The following IRAK2 variants were observed in gnomAD, a reference collection of about 807,000 sequenced individuals.
The protein encoded by IRAK2 is interleukin 1 receptor associated kinase 2.
In IRAK2, 57 loss-of-function variants were observed where a neutral mutation model predicts 72.0. That is an observed-to-expected ratio of 0.79 (90% confidence interval 0.64 to 0.99). IRAK2 has a LOEUF of 0.99. Among genes scored for constraint, IRAK2 ranks in the 50% least tolerant of loss-of-function variants. The probability of loss-of-function intolerance (pLI) is 0.00; values close to 1 mark genes in which losing one functional copy is unlikely to be tolerated. For missense variants in IRAK2, 790 were observed against 794.4 expected, an observed-to-expected ratio of 0.99 and a Z score of 0.07; for synonymous variants, 293 against 312.7, an observed-to-expected ratio of 0.94 and a Z score of 0.67.
At chr3:10,184,970 A>G (rs1418957277) in intron 2 of IRAK2, among the ~76,000 whole-genome samples, 2 of 150,054 alleles carry the variant, frequency 1.3e-5, no homozygotes, top group African/African-American at 2.5e-5. Flanking sequence ...TGACCTCGTG[A>G]TCCGCCCGCC....
chr3:10,223,176 T>C (rs1482533300), intron 9 of IRAK2, among the ~76,000 whole-genome samples: 1 of 152,204 alleles, frequency 6.6e-6, no homozygotes, highest in East Asian at 1.9e-4. Context: ...GTCCAGGTTC[T>C]AGTAGGCTCC....
chr3:10,188,054 C>T (rs1283239616), intron 2 of IRAK2, among the ~76,000 whole-genome samples: 2 of 152,132 alleles, frequency 1.3e-5, no homozygotes, highest in African/African-American at 4.8e-5. Flanking sequence ...ATCTTAGGGG[C>T]TTAAGAGCAG....
At chr3:10,179,953 C>T (rs201595155) in intron 2 of IRAK2, among the ~76,000 whole-genome samples, 4 of 152,290 alleles carry the variant, frequency 2.6e-5, no homozygotes, top group East Asian at 3.9e-4. Context: ...CATGGGATGG[C>T]TTTCTATTAT....
chr3:10,183,294 T>C (rs570889850), intron 2 of IRAK2, among the ~76,000 whole-genome samples: 52 of 152,276 alleles, frequency 3.4e-4, no homozygotes, highest in Admixed American at 8.5e-4. Context: ...TCTCTTGAAA[T>C]GTGAACTGCA....
chr3:10,179,451 T>A (rs546127883), intron 2 of IRAK2, among the ~76,000 whole-genome samples: 23 of 141,328 alleles, frequency 1.6e-4, no homozygotes, highest in South Asian at 8.7e-4. Context: ...TTTTTTTTTT[T>A]TATATGAAGT....
chr3:10,187,444 C>G (rs958717289), intron 2 of IRAK2, among the ~76,000 whole-genome samples: 5 of 152,214 alleles, frequency 3.3e-5, no homozygotes, highest in Non-Finnish European at 7.3e-5. Context: ...TAATTGAAAG[C>G]TGCCTCATTG....
intron 10 of IRAK2, among the ~76,000 whole-genome samples, chr3:10,226,881 G>A (rs1343800948): frequency 6.7e-6 from 1 of 150,270 alleles, no homozygotes; most frequent in African/African-American, 2.5e-5. Context: ...GGGAGGCAGA[G>A]GTTGCAGTGA....
At chr3:10,168,356 A>G (rs1169534) in intron 1 of IRAK2, among the ~76,000 whole-genome samples, 105,137 of 151,630 alleles carry the variant, frequency 0.69, 37,103 homozygotes, top group African/African-American at 0.77. Context: ...GATTACAGGC[A>G]TGCACCACCG....
Position 10,175,645 on chromosome 3 carries a change from T to C in IRAK2, c.95-2193T>C, listed in dbSNP as rs186907504. On this transcript the variant is annotated intron_variant, in intron 1 of 12. Transcript: ENST00000256458. ...TGGCTCACGCCTGTAATCCCAGTAC[T>C]TTGGGAGGCCGAGGCAGGCGCATCA... Among the ~76,000 whole-genome samples the C allele has an allele frequency of 7.2e-5, 11 of 151,966 alleles. No individual in the cohort carries two copies. The South Asian group carries it at 1.0e-3, about 14-fold the overall frequency.
intron 2 of IRAK2, among the ~76,000 whole-genome samples, chr3:10,186,332 G>A (rs937496952): frequency 6.6e-6 from 1 of 151,686 alleles, no homozygotes; most frequent in Non-Finnish European, 1.5e-5. Flanking sequence ...ACACAGTTCT[G>A]TCAAAAAACT....
At chr3:10,185,418 G>A (rs1221746084) in intron 2 of IRAK2, among the ~76,000 whole-genome samples, 1 of 150,826 alleles carries the variant, frequency 6.6e-6, no homozygotes, top group Non-Finnish European at 1.5e-5. Flanking sequence ...TTAGCCGGGC[G>A]TGGTGGTGCA....
At chr3:10,170,056 A>G (rs1024395458) in intron 1 of IRAK2, among the ~76,000 whole-genome samples, 7 of 152,184 alleles carry the variant, frequency 4.6e-5, no homozygotes, top group Non-Finnish European at 1.0e-4. Flanking sequence ...CAAGTTTATT[A>G]TCTCAGCATT....
chr3:10,222,946 A>C (rs1575984179), intron 9 of IRAK2, 115 bp downstream of exon 9: 5 of 913,762 alleles, frequency 5.5e-6, no homozygotes, highest in Non-Finnish European at 8.3e-6. Context: ...TCAAAGTACA[A>C]CAGGGGCTGA....
intron 2 of IRAK2, among the ~76,000 whole-genome samples, chr3:10,186,803 T>A (rs1473007192): frequency 2.0e-5 from 3 of 148,666 alleles, no homozygotes; most frequent in African/African-American, 7.6e-5. Flanking sequence ...TTTTTTTTTT[T>A]TAAATAGAGA....
At chr3:10,209,961 C>T (rs1384734062) in intron 4 of IRAK2, among the ~76,000 whole-genome samples, 3 of 152,128 alleles carry the variant, frequency 2.0e-5, no homozygotes, top group Admixed American at 2.0e-4. Flanking sequence ...GCTCTGCCAC[C>T]CAGGCTGGAG....
chr3:10,214,127 A>G (rs1697564834), intron 6 of IRAK2, among the ~76,000 whole-genome samples: 1 of 151,574 alleles, frequency 6.6e-6, no homozygotes, highest in African/African-American at 2.4e-5. Flanking sequence ...CGGGGTTTTG[A>G]CATGTTGGCC....
At chr3:10,234,700 G>A (rs1448706278) in intron 11 of IRAK2, 41 bp downstream of exon 11, 6 of 1,565,806 alleles carry the variant, frequency 3.8e-6, no homozygotes, top group Non-Finnish European at 5.3e-6. Flanking sequence ...TGGGCCACGC[G>A]TGGGTCCACC....
chr3:10,191,774 C>A (rs1186947150), intron 2 of IRAK2, among the ~76,000 whole-genome samples: 1 of 152,154 alleles, frequency 6.6e-6, no homozygotes, highest in African/African-American at 2.4e-5. Flanking sequence ...AGTTTGTTTT[C>A]AGCATAGAGC....
chr3:10,175,358 C>G (rs1024247041), intron 1 of IRAK2, among the ~76,000 whole-genome samples: 1 of 152,036 alleles, frequency 6.6e-6, no homozygotes, highest in African/African-American at 2.4e-5. Context: ...AACTCCTGAC[C>G]TCAGGTGATC....
Sources: gnomAD v4.1 joint callset for allele counts (sites outside exome capture counted in the v4.1 genomes callset) on GRCh38, gnomAD v4.1.1 for gene constraint, MANE v1.5 for transcripts, NCBI Gene and HGNC (gene_info 2026-07-23, HGNC 2026-07-21) for gene names.